The following HMCN2 variants were observed in gnomAD, a reference collection of about 807,000 sequenced individuals.
HMCN2 encodes the protein hemicentin-2.
In HMCN2, 325 loss-of-function variants were observed where a neutral mutation model predicts 377.5. The ratio of observed to expected loss-of-function variants is 0.86; its 90% CI spans 0.79 to 0.94. The LOEUF (loss-of-function observed/expected upper bound fraction) is 0.94. Among genes scored for constraint, HMCN2 ranks in the 40% least tolerant of loss-of-function variants. HMCN2 has a pLI of 0.00. For missense variants in HMCN2, 4,543 were observed against 4,725.3 expected, an observed-to-expected ratio of 0.96 and a Z score of 1.13; for synonymous variants, 2,007 against 2,046.8, an observed-to-expected ratio of 0.98 and a Z score of 0.53.
intron 97 of HMCN2, chr9:130,432,760 C>G: frequency 1.7e-6 from 1 of 600,282 alleles, no homozygotes; most frequent in Non-Finnish European, 2.9e-6. Context: ...ACAGGACCAC[C>G]ATGCAGACTC....
chr9:130,371,248 C>T, intron 46 of HMCN2, 117 bp downstream of exon 46: 2 of 481,276 alleles, frequency 4.2e-6, no homozygotes, highest in Non-Finnish European at 5.4e-6. Flanking sequence ...TTGGAATAAT[C>T]ATTCCAGCTG....
At chr9:130,283,091 A>G (rs1835215991) in intron 1 of HMCN2, among the ~76,000 whole-genome samples, 1 of 152,034 alleles carries the variant, frequency 6.6e-6, no homozygotes, top group African/African-American at 2.4e-5. Context: ...TAAATAAAAT[A>G]AAATACATAG....
At chr9:130,396,129 C>G (rs1842598596) in intron 72 of HMCN2, 40 bp from the exon 73 acceptor site, 1 of 1,227,532 alleles carries the variant, frequency 8.1e-7, no homozygotes. Context: ...CCCCTTAGAG[C>G]CACAGCTCCC....
chr9:130,325,087 CTTCTTCTTCT>C (rs1174482484), intron 19 of HMCN2, among the ~76,000 whole-genome samples: 25 of 75,624 alleles, frequency 3.3e-4, no homozygotes, highest in Non-Finnish European at 5.4e-4. Context: ...TCTTCTTCTT[CTTCTTCTTCT>C]TTTTTTTTTT....
rs1486549190 is a variant in HMCN2, at chr9:130,413,581, A to G, written c.12961+2929A>G. On this transcript the variant is annotated intron_variant, in intron 85 of 97. Coordinates refer to ENST00000683500, the MANE Select transcript of HMCN2 (RefSeq NM_001291815.2). ...CAAACATAAAGAGCCTCTGAAAAGTAGAGAAAAGAAGGAGGATAGACTACC... is the reference window on the plus strand; with the variant it reads ...CAAACATAAAGAGCCTCTGAAAAGTGGAGAAAAGAAGGAGGATAGACTACC... 2.6e-5 allele frequency among the ~76,000 whole-genome samples: 4 copies of G among 152,296 alleles called. No homozygotes were observed. In the East Asian group the frequency reaches 7.7e-4, roughly 29 times the overall value.
At position 130,344,898 on chromosome 9, in the gene HMCN2, GGT is replaced by G. The variant is rs1193856320; in HGVS notation, c.3830-2250_3830-2249del. ...TGTGTGTATGGTGTTTGGTGTATGT[GGT>G]GTGTGTGTGTGTGTGTGGTGTTTGG... On this transcript the variant is annotated intron_variant, in intron 25 of 97. Transcript: ENST00000683500. Among the ~76,000 whole-genome samples, 884 of 112,182 alleles carry G rather than the reference GGT, an allele frequency of 7.9e-3. 24 individuals carry two copies. The highest frequency in any genetic ancestry group is 0.013 in the Middle Eastern group (2 of 154). 73.6% of individuals were successfully genotyped at this position (112,182 alleles called of 152,430 possible).
intron 1 of HMCN2, among the ~76,000 whole-genome samples, chr9:130,280,256 G>A (rs10819632): frequency 0.79 from 115,612 of 147,148 alleles, 45,713 homozygotes; most frequent in African/African-American, 0.89. Context: ...TCCGCCTCCC[G>A]GGTTCACGCC....
At position 130,349,591 on chromosome 9, in the gene HMCN2, G is replaced by A. The variant is rs1336606007; in HGVS notation, c.4358G>A (p.Gly1453Asp). ...GAAQEVLGLA[G>D]ADVELQCWTS... ...GCTCAGGAGGTGCTAGGATTGGCCG[G>A]TGCAGACGTGGAGCTGCAGTGTTGG... Residue 1453 changes from glycine to aspartate, a missense_variant, in exon 29 of 98, where the codon GGT becomes GAT. Gly to Asp is a moderately conservative substitution (Grantham distance 94, BLOSUM62 -1). Around this residue, in one of 5 missense-constraint regions of HMCN2, gnomAD observed 1,032 missense variants for 1,285.1 expected, o/e 0.80. Transcript: ENST00000683500. 1 of 1,304,034 alleles carries A rather than the reference G, an allele frequency of 7.7e-7. No individual in the cohort carries two copies. Among genetic ancestry groups the A allele is most frequent in the Non-Finnish European group, 1.0e-6 (1 of 988,898 alleles). The allele number at this position is 1,304,034 out of a possible 1,614,324, so 80.8% of individuals were successfully genotyped here.
At chr9:130,292,872 A>G (rs907481279) in intron 4 of HMCN2, among the ~76,000 whole-genome samples, 51 of 152,190 alleles carry the variant, frequency 3.4e-4, no homozygotes, top group African/African-American at 1.1e-3. Flanking sequence ...CTCGTGGGGA[A>G]TGGTATTTAG....
intron 46 of HMCN2, among the ~76,000 whole-genome samples, chr9:130,371,364 A>G (rs1049841045): frequency 6.6e-6 from 1 of 152,044 alleles, no homozygotes; most frequent in African/African-American, 2.4e-5. Flanking sequence ...CTGTTCATCT[A>G]GAGAACCACA....
intron 15 of HMCN2, among the ~76,000 whole-genome samples, chr9:130,315,091 C>T (rs1245608750): frequency 2.6e-5 from 4 of 151,632 alleles, no homozygotes; most frequent in Non-Finnish European, 2.9e-5. Flanking sequence ...GCTCTGAGAG[C>T]GCCTCCTGCA....
At chr9:130,285,565 T>C (rs2131279654) in intron 3 of HMCN2, among the ~76,000 whole-genome samples, 1 of 152,340 alleles carries the variant, frequency 6.6e-6, no homozygotes, top group East Asian at 1.9e-4. Flanking sequence ...CTTGTTCCTG[T>C]TGGAGACCAT....
intron 37 of HMCN2, 61 bp downstream of exon 37, chr9:130,359,475 G>T: frequency 1.1e-6 from 1 of 894,594 alleles, no homozygotes. Context: ...TAATGAGGCT[G>T]GCGAGTGACC....
At chr9:130,392,217 A>G in intron 66 of HMCN2, 99 bp downstream of exon 66, 1 of 847,256 alleles carries the variant, frequency 1.2e-6, no homozygotes, top group Non-Finnish European at 1.4e-6. Flanking sequence ...ACTGGCTGCA[A>G]CACCCACTCC....
chr9:130,325,047 C>T (rs1838054655), intron 19 of HMCN2, among the ~76,000 whole-genome samples: 1 of 151,954 alleles, frequency 6.6e-6, no homozygotes, highest in East Asian at 1.9e-4. Context: ...CCTCCCCCAA[C>T]CTGGCAACCA....
rs1843595306 is a variant in HMCN2 at position 130,414,655 on chromosome 9, AGGCT to A, written c.12961+4006_12961+4009del. ...AAGACAAGGTCTGACTCTGTTGCCC[AGGCT>A]GGAGTGCAGTGACATGATCAGGGCT... On this transcript the variant is annotated intron_variant, in intron 85 of 97. Transcript: ENST00000683500. This position sits in a 1 kb window ranked among gnomAD's most constrained non-coding sequence, Gnocchi z 4.4. 1.3e-5 allele frequency among the ~76,000 whole-genome samples: 2 copies of A among 150,806 alleles called. No homozygotes were observed. The highest frequency in any genetic ancestry group is 1.3e-4 in the Admixed American group (2 of 15,078).
chr9:130,419,121 G>GA (rs1334182375), intron 86 of HMCN2, 80 bp downstream of exon 86: 3 of 1,331,378 alleles, frequency 2.3e-6, no homozygotes, highest in African/African-American at 1.5e-5. Flanking sequence ...GCTTATGGGA[G>GA]ACCTGTCCCC....
Position 130,358,008 on chromosome 9 carries a change from G to A in HMCN2, c.5580+20G>A. The A allele has an allele frequency of 7.7e-7, 1 of 1,296,500 alleles. No homozygotes were observed. The highest frequency in any genetic ancestry group is 1.2e-5 in the South Asian group (1 of 80,546). The allele number at this position is 1,296,500 out of a possible 1,614,324, so 80.3% of individuals were successfully genotyped here. The stretch of plus-strand genomic sequence containing the variant: ...CTACAGGTATGTGCAGGGGCCCCAG[G>A]GCTGGCAAGCCAGCTGGGCACAGGT... On this transcript the variant is annotated intron_variant, in intron 35 of 97. Coordinates refer to ENST00000683500, the MANE Select transcript of HMCN2 (RefSeq NM_001291815.2).
chr9:130,288,523 C>A (rs2131290713), intron 4 of HMCN2, among the ~76,000 whole-genome samples: 1 of 152,350 alleles, frequency 6.6e-6, no homozygotes, highest in South Asian at 2.1e-4. Flanking sequence ...ATGAACGGTG[C>A]CTTCACCCTA....
Sources: gnomAD v4.1 joint callset for allele counts (sites outside exome capture counted in the v4.1 genomes callset) on GRCh38, gnomAD v4.1.1 for gene constraint, gnomAD v4.1.1 regional missense constraint, Gnocchi (gnomAD v3.1) non-coding constraint, MANE v1.5 for transcripts, NCBI Gene and HGNC (gene_info 2026-07-23, HGNC 2026-07-21) for gene names.